The following CYP4F22 variants were observed in gnomAD, a reference collection of about 807,000 sequenced individuals.
The protein encoded by CYP4F22 is ultra-long-chain fatty acid omega-hydroxylase.
CYP4F22 carries 37 observed loss-of-function variants against 60.4 expected under a neutral mutation model. The observed-to-expected ratio is 0.61, with a 90% CI of 0.47 to 0.81. The LOEUF (loss-of-function observed/expected upper bound fraction) is 0.81. CYP4F22 is among the 30% of genes least tolerant of loss of function. The probability of loss-of-function intolerance (pLI) is 0.00; values close to 1 mark genes in which losing one functional copy is unlikely to be tolerated. For missense variants in CYP4F22, 655 were observed against 715.0 expected (o/e 0.92, Z 0.96); for synonymous variants, 258 against 280.5 (o/e 0.92, Z 0.80).
intron 1 of CYP4F22, among the ~76,000 whole-genome samples, chr19:15,517,215 C>T (rs1252398576): frequency 1.3e-5 from 2 of 152,070 alleles, no homozygotes; most frequent in South Asian, 2.1e-4. Context: ...ACAGGAGGAC[C>T]CCAGCTGTGG....
intron 1 of CYP4F22, among the ~76,000 whole-genome samples, chr19:15,521,059 G>A (rs1057002850): frequency 6.6e-6 from 1 of 152,082 alleles, no homozygotes; most frequent in East Asian, 1.9e-4. Flanking sequence ...GAGCCACCAC[G>A]TCCAGCTGTG....
intron 10 of CYP4F22, 43 bp from the exon 11 acceptor site, chr19:15,548,065 G>A (rs754909187): frequency 1.9e-6 from 3 of 1,603,340 alleles, no homozygotes; most frequent in Non-Finnish European, 1.7e-6. Context: ...GGGAGGTGGT[G>A]CCATGGTGGC....
chr19:15,550,251 C>T (rs1971578811), intron 12 of CYP4F22, among the ~76,000 whole-genome samples: 1 of 152,088 alleles, frequency 6.6e-6, no homozygotes, highest in Admixed American at 6.5e-5. Context: ...TATGATCGCG[C>T]TTCTGCACTC....
chr19:15,511,711 C>T (rs903701064), intron 1 of CYP4F22, among the ~76,000 whole-genome samples: 3 of 152,164 alleles, frequency 2.0e-5, no homozygotes, highest in African/African-American at 7.2e-5. Flanking sequence ...GCTCTTCCAT[C>T]AGGCTCCTGG....
intron 4 of CYP4F22, among the ~76,000 whole-genome samples, chr19:15,536,393 G>A (rs572877288): frequency 6.6e-6 from 1 of 152,268 alleles, no homozygotes; most frequent in Non-Finnish European, 1.5e-5. Context: ...TCGAATAGGG[G>A]GTGGAAGACA....
chr19:15,537,730 C>A, intron 6 of CYP4F22, 68 bp downstream of exon 6: 1 of 1,607,054 alleles, frequency 6.2e-7, no homozygotes. Flanking sequence ...CCAACTCATG[C>A]ATGGGCAAGC....
intron 1 of CYP4F22, among the ~76,000 whole-genome samples, chr19:15,520,713 G>A (rs1461621570): frequency 2.0e-5 from 3 of 151,222 alleles, no homozygotes; most frequent in South Asian, 2.1e-4. Flanking sequence ...TCAGCCTCCC[G>A]AGTAGCGGGT....
At chr19:15,514,565 G>A (rs367963148) in intron 1 of CYP4F22, among the ~76,000 whole-genome samples, 2 of 151,990 alleles carry the variant, frequency 1.3e-5, no homozygotes, top group East Asian at 1.9e-4. Context: ...CCAGCTACTC[G>A]GGAGGCTGAG....
Position 15,529,801 on chromosome 19 carries a change from G to C in CYP4F22, c.315G>C (p.Pro105=). 6.2e-7 allele frequency: 1 copy of C among 1,614,152 alleles called. No homozygotes were observed. The highest frequency in any genetic ancestry group is 8.5e-7 in the Non-Finnish European group (1 of 1,180,034). Residue 105 remains proline, a synonymous_variant, in exon 4 of 14, where the codon CCG becomes CCC. Coordinates refer to ENST00000269703, the MANE Select transcript of CYP4F22 (RefSeq NM_173483.4). The stretch of plus-strand genomic sequence containing the variant: ...TGGTATGGATGGGACCTGTCCTGCC[G>C]CTGTTGGTTCTGGTGCACCCTGATT... ...VLLVWMGPVL[P]LLVLVHPDYI...
At chr19:15,543,300 A>C (rs972768421) in intron 8 of CYP4F22, among the ~76,000 whole-genome samples, 1 of 151,888 alleles carries the variant, frequency 6.6e-6, no homozygotes, top group Non-Finnish European at 1.5e-5. Flanking sequence ...CCTGGGCTTA[A>C]TCCTCCTGCC....
intron 1 of CYP4F22, among the ~76,000 whole-genome samples, chr19:15,513,736 G>A (rs1971121949): frequency 6.6e-6 from 1 of 151,820 alleles, no homozygotes; most frequent in African/African-American, 2.4e-5. Context: ...CCTGAGCTCA[G>A]GCAATCCGCA....
At chr19:15,542,537 A>T (rs1342605909) in intron 8 of CYP4F22, among the ~76,000 whole-genome samples, 1 of 151,948 alleles carries the variant, frequency 6.6e-6, no homozygotes, top group Non-Finnish European at 1.5e-5. Context: ...ACTCCATCTC[A>T]AAAAATTTTT....
chr19:15,535,778 T>C (rs1568359722), intron 4 of CYP4F22, among the ~76,000 whole-genome samples: 1 of 152,228 alleles, frequency 6.6e-6, no homozygotes, highest in African/African-American at 2.4e-5. Flanking sequence ...ACCCATTTAT[T>C]CTTTCATTCA....
intron 8 of CYP4F22, 151 bp downstream of exon 8, chr19:15,540,868 T>G (rs1400360195): frequency 8.1e-6 from 8 of 990,862 alleles, no homozygotes; most frequent in Admixed American, 2.4e-5. Flanking sequence ...GAGGATCGCT[T>G]GAGCCCTGGA....
At chr19:15,536,368 G>A (rs775708740) in intron 4 of CYP4F22, among the ~76,000 whole-genome samples, 1 of 152,164 alleles carries the variant, frequency 6.6e-6, no homozygotes, top group Non-Finnish European at 1.5e-5. Flanking sequence ...GTTATGTGGT[G>A]TTAGTTCTGT....
chr19:15,515,356 A>G (rs1971141312), intron 1 of CYP4F22: 1 of 1,214,660 alleles, frequency 8.2e-7, no homozygotes, highest in Non-Finnish European at 1.2e-6. Context: ...CCTCCCACAC[A>G]CAGACATTGA....
At chr19:15,518,498 A>AATAT (rs1555726928) in intron 1 of CYP4F22, among the ~76,000 whole-genome samples, 9 of 149,732 alleles carry the variant, frequency 6.0e-5, no homozygotes, top group African/African-American at 2.0e-4. Context: ...AAAAAAAAAA[A>AATAT]ATTACCTGGG....
chr19:15,537,392 T>C lies in CYP4F22; in HGVS notation c.399T>C (p.Tyr133=), dbSNP rs758223584. The C allele has an allele frequency of 1.2e-6, 2 of 1,614,162 alleles. No individual in the cohort carries two copies. Among genetic ancestry groups the C allele is most frequent in the Non-Finnish European group, 1.7e-6 (2 of 1,180,004 alleles). The change falls in exon 5 of 14, where the codon TAT becomes TAC. Residue 133 remains tyrosine (Y), a synonymous_variant. Coordinates refer to ENST00000269703, the MANE Select transcript of CYP4F22 (RefSeq NM_173483.4). ...TCGCCCCCAAGGATGACCTCTTCTA[T>C]GGCTTCCTAAAACCTTGGCTAGGTG... The part of the protein sequence containing the change: ...AAIAPKDDLF[Y]GFLKPWLGDG...
intron 4 of CYP4F22, 55 bp from the exon 5 acceptor site, chr19:15,537,306 A>AG: frequency 2.5e-6 from 4 of 1,611,074 alleles, no homozygotes; most frequent in African/African-American, 1.3e-5. Flanking sequence ...GTAAAAAAAA[A>AG]CAAAAAACCA....
Sources: gnomAD v4.1 joint callset for allele counts (sites outside exome capture counted in the v4.1 genomes callset) on GRCh38, gnomAD v4.1.1 for gene constraint, MANE v1.5 for transcripts, NCBI Gene and HGNC (gene_info 2026-07-23, HGNC 2026-07-21) for gene names.